MEI4: variants seen among roughly 807,000 people sequenced by gnomAD.
MEI4 encodes meiosis-specific protein MEI4.
In MEI4, 27 loss-of-function variants were observed where a neutral mutation model predicts 31.4. The ratio of observed to expected loss-of-function variants is 0.86; its 90% CI spans 0.63 to 1.19. The LOEUF is 1.19. Among genes scored for constraint, MEI4 ranks in the 50% most tolerant of loss-of-function variants. MEI4 has a pLI of 0.00. For synonymous variants in MEI4, 122 were observed against 145.4 expected (o/e 0.84, Z 1.16); for missense variants, 329 against 398.9 (o/e 0.82, Z 1.49).
intron 3 of MEI4, among the ~76,000 whole-genome samples, chr6:77,777,032 A>G (rs890622704): frequency 1.3e-5 from 2 of 152,180 alleles, no homozygotes; most frequent in Admixed American, 6.6e-5. Context: ...CACCTAAAAT[A>G]TATACTGGGG....
chr6:77,721,997 T>C (rs1479794151), intron 2 of MEI4, among the ~76,000 whole-genome samples: 1 of 127,680 alleles, frequency 7.8e-6, no homozygotes, highest in Non-Finnish European at 1.7e-5. Context: ...AGTTGGACTA[T>C]TAAGCATTCC....
chr6:77,852,581 GTTTGT>G (rs1312035799), intron 4 of MEI4, among the ~76,000 whole-genome samples: 5 of 55,992 alleles, frequency 8.9e-5, no homozygotes, highest in African/African-American at 2.0e-4. Flanking sequence ...TTTTGTTGTT[GTTTGT>G]TTTTTTTTTT....
At chr6:77,802,916 A>G (rs1769310208) in intron 3 of MEI4, among the ~76,000 whole-genome samples, 1 of 151,858 alleles carries the variant, frequency 6.6e-6, no homozygotes, top group African/African-American at 2.4e-5. Context: ...TTTTTCCTTC[A>G]TTTCAACTTT....
At chr6:77,662,133 C>T (rs1436499323) in intron 1 of MEI4, among the ~76,000 whole-genome samples, 2 of 152,150 alleles carry the variant, frequency 1.3e-5, no homozygotes, top group African/African-American at 2.4e-5. Flanking sequence ...TAGATATTGA[C>T]GCGTAGTCCT....
Position 77,747,921 on chromosome 6 carries a change from A to G in MEI4, c.233-13209A>G, listed in dbSNP as rs182138691. Among the ~76,000 whole-genome samples the G allele has an allele frequency of 1.4e-3, 214 of 152,304 alleles. 1 individual carries two copies. The highest frequency in any genetic ancestry group is 4.5e-3 in the African/African-American group (188 of 41,570). On this transcript the variant is annotated intron_variant, in intron 2 of 4. Transcript: ENST00000684080. The stretch of plus-strand genomic sequence containing the variant: ...CTCCTGTTCCAAATGGGAGAAATTG[A>G]CCAAAACAAAGGGGGCTACAGGCCC...
At chr6:77,766,369 A>G (rs944814395) in intron 3 of MEI4, among the ~76,000 whole-genome samples, 1 of 152,022 alleles carries the variant, frequency 6.6e-6, no homozygotes, top group Non-Finnish European at 1.5e-5. Flanking sequence ...CATTTCAGGC[A>G]GTTTATGGAT....
At chr6:77,794,662 G>T (rs1769031787) in intron 3 of MEI4, among the ~76,000 whole-genome samples, 1 of 151,902 alleles carries the variant, frequency 6.6e-6, no homozygotes, top group Admixed American at 6.6e-5. Flanking sequence ...ATAATAGTAA[G>T]GGGCATCAGA....
intron 1 of MEI4, among the ~76,000 whole-genome samples, chr6:77,654,186 T>C (rs961878301): frequency 6.6e-6 from 1 of 152,160 alleles, no homozygotes. Flanking sequence ...ATTTACAGCA[T>C]CTCTGAGATT....
At chr6:77,691,169 T>C (rs1010918774) in intron 2 of MEI4, among the ~76,000 whole-genome samples, 1 of 152,048 alleles carries the variant, frequency 6.6e-6, no homozygotes, top group African/African-American at 2.4e-5. Context: ...ATTGTTCAAC[T>C]TTATTATTTT....
chr6:77,659,538 G>A (rs1297713679), intron 1 of MEI4, among the ~76,000 whole-genome samples: 1 of 152,140 alleles, frequency 6.6e-6, no homozygotes, highest in African/African-American at 2.4e-5. Flanking sequence ...CATGGTGTAT[G>A]AGAAAACGTT....
At chr6:77,851,933 T>A (rs987195000) in intron 4 of MEI4, among the ~76,000 whole-genome samples, 10 of 152,096 alleles carry the variant, frequency 6.6e-5, no homozygotes, top group Non-Finnish European at 1.2e-4. Flanking sequence ...TGTAAATGAG[T>A]CTGGGAAATC....
At chr6:77,742,714 G>C (rs1489899982) in intron 2 of MEI4, among the ~76,000 whole-genome samples, 2 of 152,126 alleles carry the variant, frequency 1.3e-5, no homozygotes, top group Non-Finnish European at 2.9e-5. Context: ...GTCCTGAATG[G>C]TAATGCCTAG....
chr6:77,753,705 G>T (rs1481818809), intron 2 of MEI4, among the ~76,000 whole-genome samples: 3 of 150,074 alleles, frequency 2.0e-5, no homozygotes, highest in Admixed American at 6.6e-5. Flanking sequence ...ATTCCTCAAG[G>T]ATCTAGAACC....
intron 4 of MEI4, among the ~76,000 whole-genome samples, chr6:77,922,300 A>G (rs1421802375): frequency 6.6e-6 from 1 of 151,782 alleles, no homozygotes; most frequent in Non-Finnish European, 1.5e-5. Context: ...AGGAAAATAA[A>G]AAAAGTTCTG....
chr6:77,914,199 G>T (rs1766493265), intron 4 of MEI4, among the ~76,000 whole-genome samples: 1 of 151,260 alleles, frequency 6.6e-6, no homozygotes, highest in Non-Finnish European at 1.5e-5. Flanking sequence ...TAGATTGTTT[G>T]AAATCTTTCT....
At chr6:77,653,988 T>C (rs1288300226) in intron 1 of MEI4, among the ~76,000 whole-genome samples, 2 of 152,230 alleles carry the variant, frequency 1.3e-5, no homozygotes, top group African/African-American at 4.8e-5. Flanking sequence ...AAAAAATAAA[T>C]ATTTATTCAA....
intron 2 of MEI4, among the ~76,000 whole-genome samples, chr6:77,743,654 A>T (rs887868385): frequency 6.6e-6 from 1 of 152,328 alleles, no homozygotes; most frequent in East Asian, 1.9e-4. Flanking sequence ...GAGAACAGGC[A>T]GACTGCCTCC....
chr6:77,771,161 A>G (rs764982751), intron 3 of MEI4, among the ~76,000 whole-genome samples: 4 of 152,194 alleles, frequency 2.6e-5, no homozygotes, highest in African/African-American at 4.8e-5. Flanking sequence ...GAAGACATAC[A>G]TGTGGCTAAC....
At chr6:77,780,179 G>C (rs1768557032) in intron 3 of MEI4, among the ~76,000 whole-genome samples, 1 of 152,138 alleles carries the variant, frequency 6.6e-6, no homozygotes, top group Non-Finnish European at 1.5e-5. Flanking sequence ...GGTTTGCATA[G>C]CTTCAGTAAA....
Sources: gnomAD v4.1 joint callset for allele counts (sites outside exome capture counted in the v4.1 genomes callset) on GRCh38, gnomAD v4.1.1 for gene constraint, MANE v1.5 for transcripts, NCBI Gene and HGNC (gene_info 2026-07-23, HGNC 2026-07-21) for gene names.